ARHGAP24: variants seen among roughly 807,000 people sequenced by gnomAD.
ARHGAP24 encodes the protein Rho GTPase activating protein 24, also known as rho GTPase-activating protein 24.
In ARHGAP24, 50 loss-of-function variants were observed where a neutral mutation model predicts 76.4. That is an observed-to-expected ratio of 0.65 (90% confidence interval 0.52 to 0.83). The LOEUF is 0.83. ARHGAP24 is among the 40% of genes least tolerant of loss of function. The pLI, the probability that ARHGAP24 is intolerant of heterozygous loss-of-function variation, is 0.00. For synonymous variants in ARHGAP24, 345 were observed against 323.3 expected, an observed-to-expected ratio of 1.07 and a Z score of -0.72; for missense variants, 930 against 914.2, an observed-to-expected ratio of 1.02 and a Z score of -0.22.
At chr4:85,593,571 G>A (rs944591898) in intron 2 of ARHGAP24, among the ~76,000 whole-genome samples, 4 of 152,036 alleles carry the variant, frequency 2.6e-5, no homozygotes, top group African/African-American at 9.7e-5. Flanking sequence ...ACTTCTTTTA[G>A]TAGTTTCATA....
chr4:85,758,464 G>A (rs1283884732), intron 3 of ARHGAP24, among the ~76,000 whole-genome samples: 1 of 152,180 alleles, frequency 6.6e-6, no homozygotes, highest in African/African-American at 2.4e-5. Context: ...CAGCTCATGA[G>A]GAGCTGAAGT....
rs1199796194 is a variant in ARHGAP24, at chr4:85,973,833, GTTTTTTTTTT to G, written c.733-1037_733-1028del. Among the ~76,000 whole-genome samples, 66 of 42,830 alleles carry G rather than the reference GTTTTTTTTTT, an allele frequency of 1.5e-3. 1 individual carries two copies. The East Asian group carries it at 0.048, about 31-fold the overall frequency. 28.1% of individuals were successfully genotyped at this position (42,830 alleles called of 152,430 possible). On this transcript the variant is annotated intron_variant, in intron 6 of 9. Transcript: ENST00000395184. ...CTCATGTCAAAAACTGCTGCCTATTGTTTTTTTTTTTTTTTTTTTTTTTTTTTGAGACAGA... is the reference window on the plus strand; with the variant it reads ...CTCATGTCAAAAACTGCTGCCTATTGTTTTTTTTTTTTTTTTTGAGACAGA...
intron 2 of ARHGAP24, among the ~76,000 whole-genome samples, chr4:85,681,839 G>A (rs1377803209): frequency 6.6e-6 from 1 of 152,166 alleles, no homozygotes; most frequent in Non-Finnish European, 1.5e-5. Context: ...TTCTTGTGAA[G>A]GGTAGGGACA....
rs58829469 is a variant in ARHGAP24, at chr4:85,487,593, T to C, written c.-21+12034T>C. 1.6e-3 allele frequency among the ~76,000 whole-genome samples: 166 copies of C among 102,578 alleles called. 2 individuals carry two copies. The highest frequency in any genetic ancestry group is 4.6e-3 in the African/African-American group (102 of 22,140). 67.3% of individuals were successfully genotyped at this position (102,578 alleles called of 152,430 possible). A position where few individuals can be genotyped will look rare whatever the true frequency, so the allele number is the denominator to read the frequency against. ...ATATATTTATTACATATTATATAAATATATATTTATTATATTATATAAACA... is the reference window on the plus strand; with the variant it reads ...ATATATTTATTACATATTATATAAACATATATTTATTATATTATATAAACA... On this transcript the variant is annotated intron_variant, in intron 1 of 9. Transcript: ENST00000395184.
intron 1 of ARHGAP24, among the ~76,000 whole-genome samples, chr4:85,526,029 A>G (rs1338341725): frequency 6.6e-6 from 1 of 152,126 alleles, no homozygotes; most frequent in African/African-American, 2.4e-5. Flanking sequence ...TGAAACTGAG[A>G]TAATGGACCT....
chr4:85,532,638 C>T (rs1279956076), intron 1 of ARHGAP24, among the ~76,000 whole-genome samples: 2 of 152,128 alleles, frequency 1.3e-5, no homozygotes, highest in Non-Finnish European at 2.9e-5. Context: ...GAGGAAACCA[C>T]AAATGTTATG....
At chr4:85,917,954 A>G (rs1735515086) in intron 3 of ARHGAP24, among the ~76,000 whole-genome samples, 5 of 152,148 alleles carry the variant, frequency 3.3e-5, no homozygotes, top group Admixed American at 2.0e-4. Context: ...TTTTGTCACT[A>G]AGAAAGTCCT....
At chr4:85,501,019 C>T (rs1195854519) in intron 1 of ARHGAP24, among the ~76,000 whole-genome samples, 1 of 152,136 alleles carries the variant, frequency 6.6e-6, no homozygotes, top group Non-Finnish European at 1.5e-5. Context: ...TGGTCTCTAG[C>T]TTCATCCATG....
intron 3 of ARHGAP24, among the ~76,000 whole-genome samples, chr4:85,915,678 TTC>T (rs1735346797): frequency 6.6e-6 from 1 of 152,170 alleles, no homozygotes; most frequent in Non-Finnish European, 1.5e-5. Flanking sequence ...GTGTTTGATT[TTC>T]TGTTCCTGTG....
intron 2 of ARHGAP24, among the ~76,000 whole-genome samples, chr4:85,685,103 GT>G: frequency 6.6e-6 from 1 of 152,186 alleles, no homozygotes; most frequent in Non-Finnish European, 1.5e-5. Flanking sequence ...CTTTATAGCA[GT>G]TTTTTAAGCT....
At chr4:85,593,041 A>G (rs1171355003) in intron 2 of ARHGAP24, among the ~76,000 whole-genome samples, 2 of 152,142 alleles carry the variant, frequency 1.3e-5, no homozygotes, top group Admixed American at 6.6e-5. Context: ...ACTGTTCTCC[A>G]TAGTGATTGT....
At chr4:85,567,279 G>A (rs1437241412) in intron 1 of ARHGAP24, among the ~76,000 whole-genome samples, 1 of 152,204 alleles carries the variant, frequency 6.6e-6, no homozygotes, top group Non-Finnish European at 1.5e-5. Flanking sequence ...AATGGAAGCA[G>A]TGAGACTCCT....
rs1578413667 is a variant in ARHGAP24 at position 85,941,985 on chromosome 4, T to G, written c.392-81T>G. ...TAGCATTCCAATCTTTGTTTTTCTG[T>G]TATATTGAATTAAAACAACAACAAC... On this transcript the variant is annotated intron_variant, in intron 4 of 9. Coordinates refer to ENST00000395184, the MANE Select transcript of ARHGAP24 (RefSeq NM_001025616.3). 11 of 1,394,530 alleles carry G rather than the reference T, an allele frequency of 7.9e-6. No individual in the cohort carries two copies. In the East Asian group the frequency reaches 2.6e-4, roughly 34 times the overall value. 86.4% of individuals were successfully genotyped at this position (1,394,530 alleles called of 1,614,324 possible).
intron 1 of ARHGAP24, among the ~76,000 whole-genome samples, chr4:85,555,159 C>A (rs1158374216): frequency 6.6e-6 from 1 of 152,148 alleles, no homozygotes; most frequent in Non-Finnish European, 1.5e-5. Flanking sequence ...AGAATTCCTG[C>A]TGTGAAACTA....
chr4:85,993,067 G>T (rs906906590), intron 8 of ARHGAP24, among the ~76,000 whole-genome samples: 2 of 151,856 alleles, frequency 1.3e-5, no homozygotes, highest in African/African-American at 2.4e-5. Context: ...AAAAAAAAAT[G>T]AATCCTCTCT....
intron 3 of ARHGAP24, among the ~76,000 whole-genome samples, chr4:85,856,383 T>C (rs999141848): frequency 1.3e-5 from 2 of 152,124 alleles, no homozygotes; most frequent in African/African-American, 2.4e-5. Context: ...TTTAGTTTTT[T>C]AGTTTTGCTT....
Position 85,841,595 on chromosome 4 carries a change from C to T in ARHGAP24, c.269-82053C>T, listed in dbSNP as rs529368313. 3.5e-4 allele frequency among the ~76,000 whole-genome samples: 54 copies of T among 152,216 alleles called. No homozygotes were observed. The Middle Eastern group carries it at 0.014, about 38-fold the overall frequency. On this transcript the variant is annotated intron_variant, in intron 3 of 9. Coordinates refer to ENST00000395184, the MANE Select transcript of ARHGAP24 (RefSeq NM_001025616.3). ...CTTTGCACATTTGTTTATTTATTTT[C>T]ATTTGTTTTTAGTGGAATCTTTCTT...
chr4:85,680,603 CTG>C (rs889899983), intron 2 of ARHGAP24, among the ~76,000 whole-genome samples: 24 of 152,008 alleles, frequency 1.6e-4, no homozygotes, highest in African/African-American at 5.1e-4. Flanking sequence ...TGAGATAATG[CTG>C]TCTTTACATG....
chr4:85,562,088 G>C (rs1726621289), intron 1 of ARHGAP24, among the ~76,000 whole-genome samples: 1 of 152,134 alleles, frequency 6.6e-6, no homozygotes. Context: ...GATTGTTAGG[G>C]GCCATATAGG....
Sources: allele counts gnomAD v4.1 joint callset (sites outside exome capture counted in the v4.1 genomes callset), GRCh38; gene constraint gnomAD v4.1.1; transcripts MANE v1.5; gene names NCBI Gene and HGNC (gene_info 2026-07-23, HGNC 2026-07-21).